KLHL1: variants seen among roughly 807,000 people sequenced by gnomAD.
KLHL1 encodes kelch like family member 1, also known as kelch-like protein 1.
In KLHL1, 47 loss-of-function variants were observed where a neutral mutation model predicts 77.7. The observed-to-expected ratio is 0.60, with a 90% confidence interval of 0.48 to 0.77. KLHL1 has a LOEUF of 0.77. Among genes scored for constraint, KLHL1 ranks in the 30% least tolerant of loss-of-function variants. The probability of loss-of-function intolerance (pLI) is 0.00; values close to 1 mark genes in which losing one functional copy is unlikely to be tolerated. For synonymous variants in KLHL1, 360 were observed against 325.2 expected, an observed-to-expected ratio of 1.11 and a Z score of -1.15; for missense variants, 925 against 910.8, an observed-to-expected ratio of 1.02 and a Z score of -0.20.
At chr13:70,053,982 T>A (rs150128417) in intron 1 of KLHL1, among the ~76,000 whole-genome samples, 1 of 152,234 alleles carries the variant, frequency 6.6e-6, no homozygotes, top group Non-Finnish European at 1.5e-5. Flanking sequence ...ATGTGACAGG[T>A]TTTGTGTGGC....
intron 4 of KLHL1, among the ~76,000 whole-genome samples, chr13:69,921,680 C>G (rs1566404163): frequency 6.6e-6 from 1 of 152,106 alleles, no homozygotes; most frequent in African/African-American, 2.4e-5. Context: ...AATAATCATT[C>G]ATTTGTTTAT....
At chr13:69,871,187 C>T (rs555935586) in intron 5 of KLHL1, among the ~76,000 whole-genome samples, 40 of 152,172 alleles carry the variant, frequency 2.6e-4, no homozygotes, top group Middle Eastern at 6.8e-3. Flanking sequence ...TTGTGCCCTC[C>T]GGAACAATGG....
In KLHL1 at chr13:70,092,218, C is replaced by A. The variant is rs1316662552; in HGVS notation, c.497+14985G>T. Among the ~76,000 whole-genome samples the A allele has an allele frequency of 2.0e-5, 3 of 152,152 alleles. No homozygotes were observed. In the East Asian group the frequency reaches 5.8e-4, roughly 29 times the overall value. On this transcript the variant is annotated intron_variant, in intron 1 of 10. Coordinates refer to ENST00000377844, the MANE Select transcript of KLHL1 (RefSeq NM_020866.3). ...ATAATGTGTTTGTTGATTTAAGCCACAAATTTTATAGTAACTGGGTATGTA... is the reference window on the plus strand; with the variant it reads ...ATAATGTGTTTGTTGATTTAAGCCAAAAATTTTATAGTAACTGGGTATGTA...
intron 6 of KLHL1, among the ~76,000 whole-genome samples, chr13:69,825,766 T>G (rs1170852001): frequency 1.3e-5 from 2 of 152,132 alleles, no homozygotes; most frequent in African/African-American, 4.8e-5. Context: ...AATGCTGATG[T>G]AAATCAGACA....
At position 69,826,457 on chromosome 13, in the gene KLHL1, G is replaced by A. The variant is rs534911929; in HGVS notation, c.1414+12519C>T. 9.9e-5 allele frequency among the ~76,000 whole-genome samples: 15 copies of A among 152,240 alleles called. No individual in the cohort carries two copies. The East Asian group carries it at 2.7e-3, about 28-fold the overall frequency. ...AAAAAACCCATAGTGGTGGGCACCTGTAATCCCAGCTACTCAGGAGTCTGA... is the reference window on the plus strand; with the variant it reads ...AAAAAACCCATAGTGGTGGGCACCTATAATCCCAGCTACTCAGGAGTCTGA... On this transcript the variant is annotated intron_variant, in intron 6 of 10. Coordinates refer to ENST00000377844, the MANE Select transcript of KLHL1 (RefSeq NM_020866.3).
At chr13:69,985,684 C>T (rs1884844277) in intron 1 of KLHL1, among the ~76,000 whole-genome samples, 1 of 150,184 alleles carries the variant, frequency 6.7e-6, no homozygotes, top group South Asian at 2.1e-4. Flanking sequence ...ATCTGCAACC[C>T]CATTTTATTA....
chr13:70,022,174 A>T, intron 1 of KLHL1, among the ~76,000 whole-genome samples: 1 of 151,716 alleles, frequency 6.6e-6, no homozygotes, highest in East Asian at 1.9e-4. Flanking sequence ...AGGTTTGTTT[A>T]TATACTTTTC....
At chr13:69,897,437 G>A (rs1881687466) in intron 4 of KLHL1, among the ~76,000 whole-genome samples, 1 of 152,190 alleles carries the variant, frequency 6.6e-6, no homozygotes, top group Non-Finnish European at 1.5e-5. Context: ...AACTAATTGA[G>A]ACTTGTGACT....
At chr13:69,814,422 C>G (rs137882514) in intron 6 of KLHL1, among the ~76,000 whole-genome samples, 268 of 152,152 alleles carry the variant, frequency 1.8e-3, no homozygotes, top group Non-Finnish European at 2.6e-3. Flanking sequence ...AACTGAAGAG[C>G]TTTGGCAAAG....
chr13:69,998,789 C>T (rs1335298656), intron 1 of KLHL1, among the ~76,000 whole-genome samples: 1 of 152,012 alleles, frequency 6.6e-6, no homozygotes, highest in Non-Finnish European at 1.5e-5. Flanking sequence ...AGGTTGTTGG[C>T]CAGACTACAT....
At chr13:69,767,034 TA>T (rs1325849720) in intron 7 of KLHL1, among the ~76,000 whole-genome samples, 1 of 152,226 alleles carries the variant, frequency 6.6e-6, no homozygotes, top group African/African-American at 2.4e-5. Flanking sequence ...TAGCAATTGG[TA>T]TTTTTCTAGA....
At chr13:69,809,597 C>G (rs1464898023) in intron 6 of KLHL1, among the ~76,000 whole-genome samples, 2 of 152,072 alleles carry the variant, frequency 1.3e-5, no homozygotes, top group Non-Finnish European at 2.9e-5. Flanking sequence ...CTTGCTATCA[C>G]AAAAGCACAC....
At chr13:70,029,540 GAC>G (rs1886040896) in intron 1 of KLHL1, among the ~76,000 whole-genome samples, 1 of 152,102 alleles carries the variant, frequency 6.6e-6, no homozygotes, top group Non-Finnish European at 1.5e-5. Flanking sequence ...ATACTTTACA[GAC>G]AAGCAAATGC....
At chr13:70,024,620 T>TTCTCTCTCTCTCTTTCTCTCTCTCTCTC (rs1555291446) in intron 1 of KLHL1, among the ~76,000 whole-genome samples, 1 of 130,288 alleles carries the variant, frequency 7.7e-6, no homozygotes, top group African/African-American at 2.6e-5. Flanking sequence ...GAGAAAAGAT[T>TTCTCTCTCTCTCTTTCTCTCTCTCTCTC]TCTCTCTCTC....
intron 5 of KLHL1, among the ~76,000 whole-genome samples, chr13:69,857,864 T>A (rs1879982650): frequency 6.6e-6 from 1 of 151,616 alleles, no homozygotes; most frequent in African/African-American, 2.4e-5. Flanking sequence ...TATATATATA[T>A]AATGAAATTC....
intron 4 of KLHL1, among the ~76,000 whole-genome samples, chr13:69,910,367 T>C (rs1258171021): frequency 1.3e-5 from 2 of 152,142 alleles, no homozygotes. Context: ...ATGTCAATCA[T>C]ACTAGTCATT....
intron 6 of KLHL1, among the ~76,000 whole-genome samples, chr13:69,797,850 G>A (rs1370144573): frequency 6.7e-6 from 1 of 149,982 alleles, no homozygotes; most frequent in East Asian, 2.0e-4. Context: ...AAAAAATCTG[G>A]GGAATAGCTT....
chr13:69,861,146 C>T (rs568160095), intron 5 of KLHL1, among the ~76,000 whole-genome samples: 1 of 152,114 alleles, frequency 6.6e-6, no homozygotes, highest in African/African-American at 2.4e-5. Context: ...TTATGTGATA[C>T]TTTCTAATAT....
intron 5 of KLHL1, among the ~76,000 whole-genome samples, chr13:69,856,689 ATACT>A (rs1459241635): frequency 1.3e-5 from 2 of 152,104 alleles, no homozygotes; most frequent in Non-Finnish European, 2.9e-5. Flanking sequence ...TACATAATAA[ATACT>A]TAGTGCATAT....
Sources: gnomAD v4.1 joint callset for allele counts (sites outside exome capture counted in the v4.1 genomes callset) on GRCh38, gnomAD v4.1.1 for gene constraint, MANE v1.5 for transcripts, NCBI Gene and HGNC (gene_info 2026-07-23, HGNC 2026-07-21) for gene names.